Variants in METTL15 observed in about 807,000 individuals in gnomAD.
The protein encoded by METTL15 is 12S rRNA N(4)-cytidine methyltransferase METTL15.
Under a neutral mutation model 38.3 loss-of-function variants are expected in METTL15, and 34 were observed. The ratio of observed to expected loss-of-function variants is 0.89; its 90% confidence interval spans 0.68 to 1.18. The LOEUF is 1.18. Among genes scored for constraint, METTL15 ranks in the 50% most tolerant of loss-of-function variants. The pLI is 0.00. For synonymous variants in METTL15, 162 were observed against 170.9 expected (o/e 0.95, Z 0.41); for missense variants, 438 against 498.4 (o/e 0.88, Z 1.15).
intron 6 of METTL15, among the ~76,000 whole-genome samples, chr11:28,503,861 A>T (rs553686114): frequency 6.6e-6 from 1 of 151,862 alleles, no homozygotes; most frequent in Admixed American, 6.6e-5. Context: ...ATATCCTGTT[A>T]TACTGTCCTG....
chr11:28,304,179 C>T (rs1037370836), intron 6 of METTL15, among the ~76,000 whole-genome samples: 1 of 152,028 alleles, frequency 6.6e-6, no homozygotes. Context: ...ATTTTCCTGT[C>T]CATAACCAAA....
chr11:28,503,745 C>T (rs543310627), intron 6 of METTL15, among the ~76,000 whole-genome samples: 253 of 151,408 alleles, frequency 1.7e-3, no homozygotes, highest in Admixed American at 3.9e-3. Context: ...GAGCCAAGAT[C>T]GTGCCACTGC....
chr11:28,382,877 G>T (rs1219892770), intron 5 of METTL15, among the ~76,000 whole-genome samples: 1 of 150,652 alleles, frequency 6.6e-6, no homozygotes, highest in African/African-American at 2.4e-5. Context: ...TGCCTTCTTG[G>T]AGTTTTTGTA....
chr11:28,423,356 C>A (rs1274490455), intron 5 of METTL15, among the ~76,000 whole-genome samples: 4 of 151,678 alleles, frequency 2.6e-5, no homozygotes, highest in Non-Finnish European at 4.4e-5. Context: ...AGATACCCCC[C>A]CAAAAAAAGA....
chr11:28,314,133 A>G (rs1857399405), intron 6 of METTL15, among the ~76,000 whole-genome samples: 1 of 152,226 alleles, frequency 6.6e-6, no homozygotes, highest in Non-Finnish European at 1.5e-5. Flanking sequence ...AGAGAATTGT[A>G]TATGTAATCT....
intron 6 of METTL15, among the ~76,000 whole-genome samples, chr11:28,521,267 G>A (rs1382203852): frequency 6.6e-6 from 1 of 152,104 alleles, no homozygotes; most frequent in Non-Finnish European, 1.5e-5. Flanking sequence ...TTGTGTCTTG[G>A]ACATGTCCAG....
chr11:28,442,867 A>G (rs547112505), intron 6 of METTL15, among the ~76,000 whole-genome samples: 5 of 152,012 alleles, frequency 3.3e-5, no homozygotes, highest in South Asian at 2.1e-4. Flanking sequence ...CCATTTCTAA[A>G]TGTTTATTTT....
chr11:28,463,791 C>T (rs1259151534), intron 6 of METTL15, among the ~76,000 whole-genome samples: 1 of 151,896 alleles, frequency 6.6e-6, no homozygotes. Context: ...CACATGGAAG[C>T]TCATTAATTT....
intron 6 of METTL15, among the ~76,000 whole-genome samples, chr11:28,442,216 A>G (rs184320350): frequency 6.6e-6 from 1 of 152,304 alleles, no homozygotes; most frequent in African/African-American, 2.4e-5. Flanking sequence ...GACTATAGAA[A>G]GATGATGTTT....
chr11:28,466,806 A>G (rs1851261018), intron 6 of METTL15, among the ~76,000 whole-genome samples: 2 of 152,216 alleles, frequency 1.3e-5, no homozygotes, highest in Admixed American at 6.5e-5. Flanking sequence ...GGAGGTGGTC[A>G]AAACAGAAGC....
intron 3 of METTL15, among the ~76,000 whole-genome samples, chr11:28,341,822 G>C (rs1849955460): frequency 6.6e-6 from 1 of 152,046 alleles, no homozygotes; most frequent in South Asian, 2.1e-4. Flanking sequence ...TTCTCTGTGT[G>C]GCCATTTTGC....
chr11:28,349,148 AT>A (rs1468445984), intron 3 of METTL15, among the ~76,000 whole-genome samples: 1 of 152,190 alleles, frequency 6.6e-6, no homozygotes, highest in African/African-American at 2.4e-5. Flanking sequence ...TTTTAATCCA[AT>A]TTTGGCTGGG....
At chr11:28,472,815 T>C (rs868471026) in intron 6 of METTL15, among the ~76,000 whole-genome samples, 1 of 152,102 alleles carries the variant, frequency 6.6e-6, no homozygotes, top group Non-Finnish European at 1.5e-5. Context: ...AAGAAAACAA[T>C]AAACAAGAAA....
At chr11:28,318,845 C>G (rs1214402162) in intron 6 of METTL15, among the ~76,000 whole-genome samples, 1 of 152,166 alleles carries the variant, frequency 6.6e-6, no homozygotes, top group Non-Finnish European at 1.5e-5. Flanking sequence ...CACATGTAAT[C>G]AGTACCTGCC....
intron 4 of METTL15, among the ~76,000 whole-genome samples, chr11:28,218,987 C>G (rs866384903): frequency 6.6e-6 from 1 of 152,060 alleles, no homozygotes; most frequent in African/African-American, 2.4e-5. Context: ...ATTTTTGCAT[C>G]GATGTTCATC....
chr11:28,300,767 C>T (rs911126724), intron 6 of METTL15, among the ~76,000 whole-genome samples: 1 of 152,004 alleles, frequency 6.6e-6, no homozygotes, highest in East Asian at 1.9e-4. Flanking sequence ...TACAGTGTTC[C>T]CTCCAAAAAT....
intron 6 of METTL15, among the ~76,000 whole-genome samples, chr11:28,453,609 G>A (rs1284795704): frequency 6.6e-6 from 1 of 152,182 alleles, no homozygotes; most frequent in Non-Finnish European, 1.5e-5. Flanking sequence ...TTTCTACCAT[G>A]TATTTCTGTG....
rs560900634 is a variant in METTL15, at chr11:28,262,544, T to C, written c.408-27662T>C. ...TTACTTCTGCTAGGGTGAAAAAATA[T>C]TGTGTTTGAATTCACAGAGATGACA... On this transcript the variant is annotated intron_variant, in intron 4 of 6. Coordinates refer to ENST00000407364, the MANE Select transcript of METTL15 (RefSeq NM_001113528.2). Among the ~76,000 whole-genome samples, 12 of 152,160 alleles carry C rather than the reference T, an allele frequency of 7.9e-5. No homozygotes were observed. In the South Asian group the frequency reaches 1.2e-3, roughly 16 times the overall value.
At chr11:28,406,030 G>A (rs1850670734) in intron 5 of METTL15, among the ~76,000 whole-genome samples, 1 of 152,158 alleles carries the variant, frequency 6.6e-6, no homozygotes, top group Non-Finnish European at 1.5e-5. Flanking sequence ...ATTGTTTGGA[G>A]TCAGGTAGCA....
Sources: allele counts gnomAD v4.1 joint callset (sites outside exome capture counted in the v4.1 genomes callset), GRCh38; gene constraint gnomAD v4.1.1; transcripts MANE v1.5; gene names NCBI Gene and HGNC (gene_info 2026-07-23, HGNC 2026-07-21).